Variants in DCHS2 observed in about 807,000 individuals in gnomAD.
The protein encoded by DCHS2 is protocadherin-23.
Under a neutral mutation model 182.4 loss-of-function variants are expected in DCHS2, and 142 were observed. The ratio of observed to expected loss-of-function variants is 0.78; its 90% CI spans 0.68 to 0.89. The LOEUF is 0.89. Ranked by LOEUF, DCHS2 falls within the 40% of genes least tolerant of loss-of-function variation. DCHS2 has a pLI of 0.00. For missense variants in DCHS2, 4,319 were observed against 4,198.6 expected (o/e 1.03, Z -0.79); for synonymous variants, 1,740 against 1,663.3 (o/e 1.05, Z -1.12).
chr4:154,240,612 G>A lies in DCHS2; in HGVS notation c.7284C>T (p.Tyr2428=), dbSNP rs1221509082. 7 of 1,613,828 alleles carry A rather than the reference G, an allele frequency of 4.3e-6. No individual in the cohort carries two copies. The highest frequency in any genetic ancestry group is 5.9e-6 in the Non-Finnish European group (7 of 1,179,934). ...LLIQISDSVH[Y]TEGALVVRVL... The stretch of plus-strand genomic sequence containing the variant: ...CACGGACTACAAGTGCTCCCTCTGT[G>A]TAGTGCACTGAATCAGAAATTTGGA... Residue 2428 remains tyrosine, a synonymous_variant, in exon 18 of 20, where the codon TAC becomes TAT. Transcript: ENST00000357232.
chr4:154,332,971 G>A lies in DCHS2; in HGVS notation c.3237C>T (p.Ser1079=), dbSNP rs753602240. The A allele has an allele frequency of 1.9e-6, 3 of 1,614,044 alleles. No individual in the cohort carries two copies. Among genetic ancestry groups the A allele is most frequent in the African/African-American group, 1.3e-5 (1 of 74,922 alleles). ...CCAAATGTTCGAAAGTCCAGGATGG[G>A]CTGTGTTCGCGTTTCTCGATAACGA... ...LTVVIEKREH[S]PSWTFEHLVY... is the part of the protein sequence containing the mutation. The change falls in exon 5 of 20, where the codon AGC becomes AGT. Residue 1079 remains serine (S), a synonymous_variant. Coordinates refer to ENST00000357232, the MANE Select transcript of DCHS2 (RefSeq NM_001358235.2).
At chr4:154,323,036 G>T in intron 7 of DCHS2, 1 of 629,534 alleles carries the variant, frequency 1.6e-6, no homozygotes, top group Non-Finnish European at 2.6e-6. Context: ...TCCATATATT[G>T]CATATTTCTT....
rs1728795979 is a variant in DCHS2, at chr4:154,490,765, TC to T, written c.590del (p.Gly197AspfsTer50). The T allele has an allele frequency of 1.9e-6, 3 of 1,551,504 alleles. No homozygotes were observed. Among genetic ancestry groups the T allele is most frequent in the Non-Finnish European group, 2.6e-6 (3 of 1,146,862 alleles). ...RLPVAHDPDA[G>X]LFSTQGYTLV... Reference sequence around the variant, plus strand: ...GGGTGTAGCCCTGAGTGCTGAACAGTCCGGCGTCCGGATCGTGGGCAACTGG... The same window carrying T: ...GGGTGTAGCCCTGAGTGCTGAACAGTCGGCGTCCGGATCGTGGGCAACTGG... On this transcript the variant is annotated frameshift_variant, in exon 1 of 20. Transcript: ENST00000357232. LOFTEE classifies it high-confidence loss of function.
chr4:154,387,533 A>G (rs1181783287), intron 1 of DCHS2, among the ~76,000 whole-genome samples: 1 of 151,896 alleles, frequency 6.6e-6, no homozygotes, highest in African/African-American at 2.4e-5. Context: ...AGACCAAAAG[A>G]GATTCTACAC....
chr4:154,476,404 C>A lies in DCHS2; in HGVS notation c.2052+12900G>T, dbSNP rs536973466. Among the ~76,000 whole-genome samples the A allele has an allele frequency of 3.3e-5, 5 of 152,108 alleles. No homozygotes were observed. The South Asian group carries it at 8.3e-4, about 25-fold the overall frequency. On this transcript the variant is annotated intron_variant, in intron 1 of 19. Transcript: ENST00000357232. ...ATGAAATGGAAAGATCTGTCTGATA[C>A]GAAATTACAACACAAAAAGGGTATT... is the stretch of plus-strand genomic sequence containing the variant.
chr4:154,372,791 C>A (rs1314050364), intron 2 of DCHS2, among the ~76,000 whole-genome samples: 1 of 152,092 alleles, frequency 6.6e-6, no homozygotes, highest in Non-Finnish European at 1.5e-5. Flanking sequence ...GCAGTAGCAG[C>A]AGCAGCAAAA....
intron 1 of DCHS2, among the ~76,000 whole-genome samples, chr4:154,475,737 C>T (rs1735655336): frequency 6.6e-6 from 1 of 152,184 alleles, no homozygotes; most frequent in Admixed American, 6.5e-5. Flanking sequence ...GGTTGACTTT[C>T]CATGCCTCCA....
At chr4:154,403,369 G>A (rs1428909535) in intron 1 of DCHS2, among the ~76,000 whole-genome samples, 3 of 152,054 alleles carry the variant, frequency 2.0e-5, no homozygotes, top group African/African-American at 7.2e-5. Flanking sequence ...TCAAATAAGT[G>A]TTGTTTTTTC....
At chr4:154,256,549 T>C (rs1732683273) in intron 15 of DCHS2, among the ~76,000 whole-genome samples, 1 of 152,208 alleles carries the variant, frequency 6.6e-6, no homozygotes, top group Non-Finnish European at 1.5e-5. Flanking sequence ...GTGTTGAGGA[T>C]AAAACAGAAG....
chr4:154,337,596 C>T (rs1018808889), intron 3 of DCHS2, among the ~76,000 whole-genome samples: 1 of 152,138 alleles, frequency 6.6e-6, no homozygotes, highest in African/African-American at 2.4e-5. Context: ...GCTCTCTGTA[C>T]AGTACCTTTT....
At chr4:154,347,982 C>G (rs1037381950) in intron 3 of DCHS2, among the ~76,000 whole-genome samples, 4 of 151,932 alleles carry the variant, frequency 2.6e-5, no homozygotes, top group African/African-American at 7.3e-5. Flanking sequence ...GTGGCAGACT[C>G]TTATAGTTTG....
rs112013777 is a variant in DCHS2, at chr4:154,369,549, G to A, written c.2245-3108C>T. Among the ~76,000 whole-genome samples the A allele has an allele frequency of 3.1e-3, 468 of 152,270 alleles. 1 individual carries two copies. The highest frequency in any genetic ancestry group is 0.011 in the African/African-American group (444 of 41,546). On this transcript the variant is annotated intron_variant, in intron 2 of 19. Transcript: ENST00000357232. ...CTGTTTCGATAATGCAACCTCATGA[G>A]AGACTGAGTCAGAGCCACCCAGCAA...
At chr4:154,285,270 G>T (rs1220398659) in intron 13 of DCHS2, among the ~76,000 whole-genome samples, 1 of 152,280 alleles carries the variant, frequency 6.6e-6, no homozygotes, top group African/African-American at 2.4e-5. Flanking sequence ...ACTCAGAGAT[G>T]TGCTGGCTTC....
chr4:154,478,826 C>G (rs1735800529), intron 1 of DCHS2, among the ~76,000 whole-genome samples: 1 of 152,194 alleles, frequency 6.6e-6, no homozygotes, highest in Non-Finnish European at 1.5e-5. Context: ...TGAGTCCAAT[C>G]AAGTTGATTA....
At position 154,332,533 on chromosome 4, in the gene DCHS2, C is replaced by T. The variant is rs780358859; in HGVS notation, c.3675G>A (p.Gln1225=). The change falls in exon 5 of 20, where the codon CAG becomes CAA. Residue 1225 remains glutamine (Q), a synonymous_variant. Coordinates refer to ENST00000357232, the MANE Select transcript of DCHS2 (RefSeq NM_001358235.2). ...AIDMDSGKNG[Q]LLYFLLSDGK... ...CATCAGACAAAAGGAAATATAATAG[C>T]TGTCCATTCTTTCCAGAGTCCATGT... The T allele has an allele frequency of 6.2e-7, 1 of 1,614,140 alleles. No homozygotes were observed. The highest frequency in any genetic ancestry group is 8.5e-7 in the Non-Finnish European group (1 of 1,180,022).
At chr4:154,357,121 C>A (rs1488568082) in intron 3 of DCHS2, 13 of 733,328 alleles carry the variant, frequency 1.8e-5, no homozygotes, top group South Asian at 5.5e-5. Context: ...CTTTGGCCTG[C>A]GAAGTTGTTT....
intron 1 of DCHS2, among the ~76,000 whole-genome samples, chr4:154,468,200 A>G (rs1735315906): frequency 6.6e-6 from 1 of 152,182 alleles, no homozygotes; most frequent in Non-Finnish European, 1.5e-5. Context: ...TTTCATGAGC[A>G]GTAATATCAC....
Position 154,242,773 on chromosome 4 carries a change from C to T in DCHS2, c.6942-1G>A. 1 of 1,599,904 alleles carries T rather than the reference C, an allele frequency of 6.3e-7. No homozygotes were observed. Among genetic ancestry groups the T allele is most frequent in the Non-Finnish European group, 8.5e-7 (1 of 1,175,386 alleles). ...TTTATCTGTGGCTTGGACAATCAAG[C>T]TGGTTTGGAAAAAGAATCAAAGAAT... is the stretch of plus-strand genomic sequence containing the variant. On this transcript the variant is annotated splice_acceptor_variant, in intron 16 of 19. Transcript: ENST00000357232. LOFTEE classifies it high-confidence loss of function.
Position 154,242,880 on chromosome 4 carries a change from C to T in DCHS2, c.6942-108G>A, listed in dbSNP as rs1254762905. On this transcript the variant is annotated intron_variant, in intron 16 of 19. Transcript: ENST00000357232. ...AATTTTAAAATGAGCTGACTAGCTA[C>T]TTTTATTTTTCTCTTGGATTTTCTA... 18 of 1,366,378 alleles carry T rather than the reference C, an allele frequency of 1.3e-5. 1 individual carries two copies. Among genetic ancestry groups the T allele is most frequent in the South Asian group, 8.6e-5 (5 of 57,966 alleles). The allele number at this position is 1,366,378 out of a possible 1,614,324, so 84.6% of individuals were successfully genotyped here.
Sources: gnomAD v4.1 joint callset for allele counts (sites outside exome capture counted in the v4.1 genomes callset) on GRCh38, gnomAD v4.1.1 for gene constraint, MANE v1.5 for transcripts, NCBI Gene and HGNC (gene_info 2026-07-23, HGNC 2026-07-21) for gene names.